The following NUBPL variants were observed in gnomAD, a reference collection of about 807,000 sequenced individuals.
The protein encoded by NUBPL is iron-sulfur cluster transfer protein NUBPL.
In NUBPL, 31 loss-of-function variants were observed where a neutral mutation model predicts 45.7. That is an observed-to-expected ratio of 0.68 (90% CI 0.51 to 0.92). The LOEUF is 0.92. NUBPL is among the 40% of genes least tolerant of loss of function. The probability of loss-of-function intolerance (pLI) is 0.00; values close to 1 mark genes in which losing one functional copy is unlikely to be tolerated. For synonymous variants in NUBPL, 144 were observed against 140.9 expected (o/e 1.02, Z -0.15); for missense variants, 401 against 398.7 (o/e 1.01, Z -0.05).
intron 6 of NUBPL, among the ~76,000 whole-genome samples, chr14:31,687,076 G>A (rs1385859773): frequency 2.6e-5 from 4 of 152,150 alleles, no homozygotes; most frequent in African/African-American, 9.7e-5. Context: ...TCATGCTGCT[G>A]CACTCCAGCC....
chr14:31,850,858 A>C (rs1205962678), intron 10 of NUBPL, among the ~76,000 whole-genome samples: 1 of 151,988 alleles, frequency 6.6e-6, no homozygotes, highest in East Asian at 1.9e-4. Flanking sequence ...CCTGGACTCA[A>C]GTTATCCTCC....
At chr14:31,644,523 A>G (rs766066872) in intron 4 of NUBPL, among the ~76,000 whole-genome samples, 9 of 152,130 alleles carry the variant, frequency 5.9e-5, no homozygotes, top group Admixed American at 1.3e-4. Context: ...GATACTTGAT[A>G]TGATTTCTAC....
intron 6 of NUBPL, among the ~76,000 whole-genome samples, chr14:31,681,391 C>T (rs915010070): frequency 2.1e-4 from 32 of 150,910 alleles, no homozygotes; most frequent in Admixed American, 2.6e-4. Context: ...AGCAGTGTTC[C>T]CTCCTTATTT....
intron 4 of NUBPL, among the ~76,000 whole-genome samples, chr14:31,608,311 T>C (rs999258803): frequency 6.6e-5 from 10 of 152,110 alleles, no homozygotes; most frequent in African/African-American, 2.4e-4. Context: ...CCCAGCACTT[T>C]GGGAGGCTGA....
intron 6 of NUBPL, among the ~76,000 whole-genome samples, chr14:31,692,927 A>T (rs2037125151): frequency 6.6e-6 from 1 of 152,216 alleles, no homozygotes; most frequent in African/African-American, 2.4e-5. Context: ...GTTTAACAGA[A>T]TAATTAATGA....
At chr14:31,655,165 A>G (rs2036111573) in intron 4 of NUBPL, among the ~76,000 whole-genome samples, 1 of 152,220 alleles carries the variant, frequency 6.6e-6, no homozygotes, top group Non-Finnish European at 1.5e-5. Context: ...GTTCTTAATG[A>G]CATCTAGAAT....
chr14:31,809,967 C>T (rs2039767875), intron 7 of NUBPL, among the ~76,000 whole-genome samples: 1 of 152,176 alleles, frequency 6.6e-6, no homozygotes, highest in Admixed American at 6.5e-5. Context: ...TTTGATTGCA[C>T]TGTGGTCTGA....
intron 6 of NUBPL, among the ~76,000 whole-genome samples, chr14:31,719,856 GC>G (rs1488796375): frequency 1.3e-5 from 2 of 151,888 alleles, no homozygotes; most frequent in African/African-American, 4.8e-5. Context: ...TATACATGCT[GC>G]TTTTTAGCCA....
At chr14:31,650,056 G>C (rs2035958578) in intron 4 of NUBPL, among the ~76,000 whole-genome samples, 1 of 151,628 alleles carries the variant, frequency 6.6e-6, no homozygotes, top group Non-Finnish European at 1.5e-5. Flanking sequence ...ATGGGGTTTT[G>C]CCATGCTGGT....
intron 3 of NUBPL, among the ~76,000 whole-genome samples, chr14:31,579,167 A>G (rs1872496091): frequency 6.6e-6 from 1 of 152,148 alleles, no homozygotes; most frequent in South Asian, 2.1e-4. Flanking sequence ...CTGGAGTGTG[A>G]TGGAGCCCTT....
rs553864014 is a variant in NUBPL, at chr14:31,807,228, A to C, written c.607+19355A>C. 6.9e-4 allele frequency among the ~76,000 whole-genome samples: 105 copies of C among 152,356 alleles called. 1 individual carries two copies. The highest frequency in any genetic ancestry group is 1.1e-3 in the Non-Finnish European group (75 of 68,036). ...TTCCACAATGGTTGAACTAGTTTAC[A>C]TTCCCACCAACAGTGTAAAAGCATT... On this transcript the variant is annotated intron_variant, in intron 7 of 10. Coordinates refer to ENST00000281081, the MANE Select transcript of NUBPL (RefSeq NM_025152.3).
At chr14:31,730,821 T>C (rs931043364) in intron 6 of NUBPL, among the ~76,000 whole-genome samples, 2 of 152,188 alleles carry the variant, frequency 1.3e-5, no homozygotes, top group African/African-American at 4.8e-5. Context: ...TTCCAAGCTG[T>C]AGCAGAGACA....
chr14:31,811,474 C>T (rs1005873011), intron 7 of NUBPL, among the ~76,000 whole-genome samples: 3 of 152,180 alleles, frequency 2.0e-5, no homozygotes, highest in African/African-American at 7.2e-5. Flanking sequence ...TCCTTCAGGT[C>T]ACTTAAGGTC....
chr14:31,733,050 A>G (rs1347732709), intron 6 of NUBPL, among the ~76,000 whole-genome samples: 1 of 152,160 alleles, frequency 6.6e-6, no homozygotes, highest in African/African-American at 2.4e-5. Flanking sequence ...ATTTTTGTGT[A>G]TGGTGTGAAA....
At chr14:31,603,319 A>AAAAAG (rs200833016) in intron 4 of NUBPL, among the ~76,000 whole-genome samples, 2,622 of 149,702 alleles carry the variant, frequency 0.018, 31 homozygotes, top group Non-Finnish European at 0.026. Context: ...AAAAAAAAAG[A>AAAAAG]AAAAGAAAAG....
chr14:31,697,806 T>C (rs578127884), intron 6 of NUBPL, among the ~76,000 whole-genome samples: 4 of 152,212 alleles, frequency 2.6e-5, no homozygotes, highest in Non-Finnish European at 5.9e-5. Flanking sequence ...GAAGCCTTAA[T>C]AAAGGTCACA....
intron 6 of NUBPL, among the ~76,000 whole-genome samples, chr14:31,752,782 A>G (rs1156885994): frequency 6.6e-6 from 1 of 152,228 alleles, no homozygotes; most frequent in Non-Finnish European, 1.5e-5. Context: ...CATACTGCTA[A>G]AAAGAACTAC....
intron 6 of NUBPL, among the ~76,000 whole-genome samples, chr14:31,769,192 T>A (rs2138755874): frequency 6.6e-6 from 1 of 152,320 alleles, no homozygotes; most frequent in East Asian, 1.9e-4. Context: ...AGCTACTTTA[T>A]GACAATAGCA....
intron 4 of NUBPL, among the ~76,000 whole-genome samples, chr14:31,618,532 A>T (rs2034972375): frequency 6.6e-6 from 1 of 152,074 alleles, no homozygotes; most frequent in Non-Finnish European, 1.5e-5. Context: ...TCATTTCATT[A>T]TTTACCCAGT....
Sources: allele counts gnomAD v4.1 joint callset (sites outside exome capture counted in the v4.1 genomes callset), GRCh38; gene constraint gnomAD v4.1.1; transcripts MANE v1.5; gene names NCBI Gene and HGNC (gene_info 2026-07-23, HGNC 2026-07-21).